DTNBP1: variants seen among roughly 807,000 people sequenced by gnomAD.
DTNBP1 encodes dystrobrevin binding protein 1, also known as dysbindin.
DTNBP1 carries 35 observed loss-of-function variants against 42.8 expected under a neutral mutation model. The ratio of observed to expected loss-of-function variants is 0.82; its 90% CI spans 0.63 to 1.09. The LOEUF is 1.09. Ranked by LOEUF, DTNBP1 falls within the 50% of genes least tolerant of loss-of-function variation. The probability of loss-of-function intolerance (pLI) is 0.00; values close to 1 mark genes in which losing one functional copy is unlikely to be tolerated. For missense variants in DTNBP1, 457 were observed against 424.2 expected, an observed-to-expected ratio of 1.08 and a Z score of -0.68; for synonymous variants, 171 against 162.2, an observed-to-expected ratio of 1.05 and a Z score of -0.41.
At chr6:15,590,003 A>G (rs1258599933) in intron 7 of DTNBP1, among the ~76,000 whole-genome samples, 1 of 152,084 alleles carries the variant, frequency 6.6e-6, no homozygotes, top group African/African-American at 2.4e-5. Context: ...ATCTTGGCTC[A>G]CTCACTGCAG....
intron 7 of DTNBP1, among the ~76,000 whole-genome samples, chr6:15,579,215 T>C (rs375497646): frequency 1.3e-5 from 2 of 151,984 alleles, no homozygotes; most frequent in African/African-American, 4.8e-5. Context: ...TATTCAGCCA[T>C]AAAAAAGAAC....
At chr6:15,530,319 T>C (rs1174503681) in intron 8 of DTNBP1, among the ~76,000 whole-genome samples, 2 of 152,186 alleles carry the variant, frequency 1.3e-5, no homozygotes, top group African/African-American at 4.8e-5. Flanking sequence ...GTCTCTCAGC[T>C]CTAGCTCAAG....
At chr6:15,572,864 T>C (rs964125644) in intron 7 of DTNBP1, among the ~76,000 whole-genome samples, 3 of 152,126 alleles carry the variant, frequency 2.0e-5, no homozygotes, top group African/African-American at 7.2e-5. Context: ...CTGGAGGAGC[T>C]TGGACTACAG....
intron 6 of DTNBP1, among the ~76,000 whole-genome samples, chr6:15,611,034 T>C (rs1561989964): frequency 6.6e-6 from 1 of 152,376 alleles, no homozygotes; most frequent in Middle Eastern, 3.4e-3. Context: ...TGGAAGAAGA[T>C]GACACCTAGG....
At chr6:15,556,771 C>G (rs1774547619) in intron 7 of DTNBP1, among the ~76,000 whole-genome samples, 3 of 152,074 alleles carry the variant, frequency 2.0e-5, no homozygotes, top group Admixed American at 2.0e-4. Context: ...CTTCCCTTCC[C>G]TTCTCTCTCT....
intron 5 of DTNBP1, among the ~76,000 whole-genome samples, chr6:15,623,806 A>G (rs1450400869): frequency 6.6e-6 from 1 of 152,242 alleles, no homozygotes; most frequent in Non-Finnish European, 1.5e-5. Context: ...TTTTCACAGA[A>G]TAAGAAAGTG....
intron 7 of DTNBP1, among the ~76,000 whole-genome samples, chr6:15,535,960 T>C (rs1035663021): frequency 6.6e-6 from 1 of 152,228 alleles, no homozygotes; most frequent in Non-Finnish European, 1.5e-5. Flanking sequence ...CATTTTGCCA[T>C]GCCTTTGAGA....
At chr6:15,631,289 G>A (rs1189009043) in intron 4 of DTNBP1, among the ~76,000 whole-genome samples, 2 of 152,028 alleles carry the variant, frequency 1.3e-5, no homozygotes, top group African/African-American at 2.4e-5. Context: ...AGCAACATAA[G>A]TACTTTTGAT....
At chr6:15,567,965 T>C (rs1260268949) in intron 7 of DTNBP1, among the ~76,000 whole-genome samples, 3 of 152,180 alleles carry the variant, frequency 2.0e-5, no homozygotes, top group African/African-American at 7.2e-5. Context: ...AATGATAATA[T>C]ATGTATAATA....
At chr6:15,596,652 T>C (rs1389325173) in intron 6 of DTNBP1, among the ~76,000 whole-genome samples, 1 of 152,188 alleles carries the variant, frequency 6.6e-6, no homozygotes, top group South Asian at 2.1e-4. Context: ...CTCCTCAGCT[T>C]ACATTCGCTC....
intron 3 of DTNBP1, among the ~76,000 whole-genome samples, chr6:15,640,171 T>G (rs993057558): frequency 1.3e-5 from 2 of 152,200 alleles, no homozygotes; most frequent in African/African-American, 4.8e-5. Context: ...CTATCCAACC[T>G]CGCATGGGCC....
intron 8 of DTNBP1, among the ~76,000 whole-genome samples, chr6:15,531,963 A>AG (rs1318096821): frequency 6.6e-6 from 1 of 152,158 alleles, no homozygotes; most frequent in East Asian, 1.9e-4. Flanking sequence ...CTCTCCTTGG[A>AG]GGGGACACAG....
chr6:15,529,753 C>T (rs1252625918), intron 8 of DTNBP1, among the ~76,000 whole-genome samples: 2 of 152,266 alleles, frequency 1.3e-5, no homozygotes, highest in South Asian at 2.1e-4. Flanking sequence ...TCCTGACACT[C>T]AGCAATAAAA....
At chr6:15,656,797 A>C (rs548336409) in intron 1 of DTNBP1, among the ~76,000 whole-genome samples, 1 of 152,278 alleles carries the variant, frequency 6.6e-6, no homozygotes, top group African/African-American at 2.4e-5. Flanking sequence ...TGATGCATTG[A>C]GTACTACAAT....
intron 5 of DTNBP1, among the ~76,000 whole-genome samples, chr6:15,626,507 A>G (rs1759356132): frequency 6.6e-6 from 1 of 152,208 alleles, no homozygotes; most frequent in Non-Finnish European, 1.5e-5. Context: ...CTAAAAGACT[A>G]AAACAGGTTA....
At chr6:15,570,769 G>C (rs899346651) in intron 7 of DTNBP1, among the ~76,000 whole-genome samples, 4 of 152,062 alleles carry the variant, frequency 2.6e-5, no homozygotes, top group Non-Finnish European at 4.4e-5. Flanking sequence ...TCACTTAAAG[G>C]GGGTAAAAGT....
At chr6:15,535,698 T>C (rs983593302) in intron 7 of DTNBP1, among the ~76,000 whole-genome samples, 9 of 152,094 alleles carry the variant, frequency 5.9e-5, no homozygotes, top group African/African-American at 2.2e-4. Context: ...GATATAAAGA[T>C]ACTTGAAAAT....
rs530759669 is a variant in DTNBP1 at position 15,618,235 on chromosome 6, T to C, written c.356-2836A>G. Among the ~76,000 whole-genome samples, 8 of 152,084 alleles carry C rather than the reference T, an allele frequency of 5.3e-5. No individual in the cohort carries two copies. In the East Asian group the frequency reaches 1.5e-3, roughly 29 times the overall value. Reference sequence around the variant, plus strand: ...CATCTCTCAAAAGAAGGTACATGAATGGCCAACAGGTATATGGAAAAATGT... The same window carrying C: ...CATCTCTCAAAAGAAGGTACATGAACGGCCAACAGGTATATGGAAAAATGT... On this transcript the variant is annotated intron_variant, in intron 5 of 9. Transcript: ENST00000344537.
chr6:15,630,894 G>C (rs760059032), intron 4 of DTNBP1, among the ~76,000 whole-genome samples: 1 of 152,156 alleles, frequency 6.6e-6, no homozygotes, highest in Non-Finnish European at 1.5e-5. Flanking sequence ...CTCCAGCCTG[G>C]AGACAGATCG....
Sources: allele counts gnomAD v4.1 joint callset (sites outside exome capture counted in the v4.1 genomes callset), GRCh38; gene constraint gnomAD v4.1.1; transcripts MANE v1.5; gene names NCBI Gene and HGNC (gene_info 2026-07-23, HGNC 2026-07-21).